ACP7: variants seen among roughly 807,000 people sequenced by gnomAD.
ACP7 encodes the protein acid phosphatase type 7.
ACP7 carries 58 observed loss-of-function variants against 60.6 expected under a neutral mutation model. The observed-to-expected ratio is 0.96, with a 90% CI of 0.77 to 1.19. The LOEUF (loss-of-function observed/expected upper bound fraction) is 1.19. ACP7 is among the 50% of genes most tolerant of loss of function. ACP7 has a pLI of 0.00. For missense variants in ACP7, 574 were observed against 596.2 expected, an observed-to-expected ratio of 0.96 and a Z score of 0.39; for synonymous variants, 237 against 232.6, an observed-to-expected ratio of 1.02 and a Z score of -0.17.
In ACP7 at chr19:39,100,289, A is replaced by T; in HGVS notation, c.568A>T (p.Ile190Phe). 1.9e-6 allele frequency: 3 copies of T among 1,614,020 alleles called. No individual in the cohort carries two copies. Among genetic ancestry groups the T allele is most frequent in the Non-Finnish European group, 1.7e-6 (2 of 1,179,994 alleles). ...TGTTGGGGATAGGTTCATGCGGCTC[A>T]TTGAACCCGTGGCTGCCAGCCTGCC... ...ARVGDRFMRL[I>F]EPVAASLPYM... is the part of the protein sequence containing the mutation. The change falls in exon 5 of 13, where the codon ATT (isoleucine) becomes TTT (phenylalanine). Residue 190 changes from isoleucine (I) to phenylalanine (F), a missense_variant. Ile to Phe is a conservative substitution (Grantham distance 21). Transcript: ENST00000331256.
chr19:39,100,457 G>C, intron 5 of ACP7, 107 bp downstream of exon 5: 1 of 1,599,174 alleles, frequency 6.3e-7, no homozygotes, highest in Non-Finnish European at 8.6e-7. Context: ...TTTCAATTGT[G>C]GTAGCAAGAG....
At chr19:39,105,089 C>T (rs762801136) in intron 11 of ACP7, among the ~76,000 whole-genome samples, 1 of 151,584 alleles carries the variant, frequency 6.6e-6, no homozygotes, top group Non-Finnish European at 1.5e-5. Context: ...GATCTCGGCT[C>T]ACCACAACCT....
chr19:39,095,339 G>A (rs1456629266), intron 2 of ACP7, among the ~76,000 whole-genome samples: 1 of 152,196 alleles, frequency 6.6e-6, no homozygotes, highest in Non-Finnish European at 1.5e-5. Flanking sequence ...TTCCAAATGG[G>A]AGAAATTGGC....
At position 39,104,844 on chromosome 19, in the gene ACP7, C is replaced by A. The variant is rs574941251; in HGVS notation, c.1114-2103C>A. On this transcript the variant is annotated intron_variant, in intron 11 of 12. Coordinates refer to ENST00000331256, the MANE Select transcript of ACP7 (RefSeq NM_001004318.3). Reference sequence around the variant, plus strand: ...AGGTTGCAGTGAGCCGAGATCGTGCCATTGCACTCCAGCCTGGGCAACAAG... The same window carrying A: ...AGGTTGCAGTGAGCCGAGATCGTGCAATTGCACTCCAGCCTGGGCAACAAG... Among the ~76,000 whole-genome samples the A allele has an allele frequency of 1.1e-3, 160 of 151,966 alleles. 1 individual carries two copies. Among genetic ancestry groups the A allele is most frequent in the Non-Finnish European group, 1.9e-3 (130 of 67,950 alleles).
rs140697425 is a variant in ACP7 at position 39,102,527 on chromosome 19, G to A, written c.1113+990G>A. 2.1e-3 allele frequency among the ~76,000 whole-genome samples: 316 copies of A among 152,020 alleles called. 1 individual carries two copies. Among genetic ancestry groups the A allele is most frequent in the Non-Finnish European group, 2.4e-3 (166 of 67,982 alleles). ...TTTGGTAGAGATGGGATTTCACCAC[G>A]TTGGCCAGGCTGGTCTCAAACTCCT... On this transcript the variant is annotated intron_variant, in intron 11 of 12. Transcript: ENST00000331256.
intron 2 of ACP7, among the ~76,000 whole-genome samples, chr19:39,089,833 G>A (rs1032891410): frequency 2.0e-5 from 3 of 152,300 alleles, no homozygotes; most frequent in East Asian, 1.9e-4. Flanking sequence ...CCTTCTTGGC[G>A]CATGATACGA....
intron 11 of ACP7, among the ~76,000 whole-genome samples, chr19:39,104,866 CA>C (rs1178286523): frequency 6.6e-6 from 1 of 152,008 alleles, no homozygotes; most frequent in Non-Finnish European, 1.5e-5. Context: ...GCCTGGGCAA[CA>C]AGAGCAAAAC....
chr19:39,099,212 G>A, intron 4 of ACP7, 70 bp downstream of exon 4: 1 of 1,385,440 alleles, frequency 7.2e-7, no homozygotes, highest in Non-Finnish European at 9.2e-7. Flanking sequence ...GGGCGCGCGG[G>A]TCGGGGGCGC....
In ACP7 at chr19:39,101,036, T is replaced by A. The variant is rs1157730832; in HGVS notation, c.895T>A (p.Cys299Ser). Residue 299 changes from cysteine to serine, a missense_variant, in exon 8 of 13, where the codon TGC becomes AGC. By Grantham distance (112) the Cys-to-Ser change is moderately radical (BLOSUM62 -1). Coordinates refer to ENST00000331256, the MANE Select transcript of ACP7 (RefSeq NM_001004318.3). ...CTGCTCCAACGCAGATCTGGACGAC[T>A]GCACACGACATGAAAGCAAGGTGAG... Reference protein sequence around the residue: ...MYCSNADLDDCTRHESKVRKG... With the variant: ...MYCSNADLDDSTRHESKVRKG... 6.2e-7 allele frequency: 1 copy of A among 1,613,958 alleles called. No individual in the cohort carries two copies. Among genetic ancestry groups the A allele is most frequent in the East Asian group, 2.2e-5 (1 of 44,868 alleles).
chr19:39,092,771 C>CTTTTTTTTTTTTTTT, intron 2 of ACP7, among the ~76,000 whole-genome samples: 1 of 114,650 alleles, frequency 8.7e-6, no homozygotes, highest in Non-Finnish European at 1.8e-5. Flanking sequence ...TCCCATTCCT[C>CTTTTTTTTTTTTTTT]TTTTTTTTTT....
At chr19:39,095,452 AG>A (rs1382397874) in intron 2 of ACP7, among the ~76,000 whole-genome samples, 1 of 152,248 alleles carries the variant, frequency 6.6e-6, no homozygotes, top group Non-Finnish European at 1.5e-5. Context: ...CCTCACATGC[AG>A]GTCTCACTGA....
intron 5 of ACP7, 51 bp downstream of exon 5, chr19:39,100,401 G>A (rs760611769): frequency 6.2e-7 from 1 of 1,608,694 alleles, no homozygotes; most frequent in Admixed American, 1.7e-5. Flanking sequence ...AATGGAAATG[G>A]TCTCGTTCTT....
chr19:39,089,048 G>C (rs1568474477), intron 2 of ACP7, among the ~76,000 whole-genome samples: 1 of 151,970 alleles, frequency 6.6e-6, no homozygotes, highest in African/African-American at 2.4e-5. Flanking sequence ...TCCTGCCTCA[G>C]TCTCTCAAGT....
intron 11 of ACP7, among the ~76,000 whole-genome samples, chr19:39,106,558 C>G (rs1028921239): frequency 6.6e-6 from 1 of 152,162 alleles, no homozygotes; most frequent in Non-Finnish European, 1.5e-5. Context: ...CAGTGTCACT[C>G]CGTCTCCCAG....
At chr19:39,097,918 A>T (rs1355037198) in intron 2 of ACP7, among the ~76,000 whole-genome samples, 1 of 152,056 alleles carries the variant, frequency 6.6e-6, no homozygotes, top group African/African-American at 2.4e-5. Flanking sequence ...CAGACAGGAA[A>T]ACTGAGGCTC....
intron 2 of ACP7, among the ~76,000 whole-genome samples, chr19:39,087,010 T>G (rs2073150298): frequency 6.6e-6 from 1 of 152,088 alleles, no homozygotes; most frequent in Non-Finnish European, 1.5e-5. Flanking sequence ...AAATCTTTTA[T>G]TTATTTATTT....
chr19:39,099,249 T>C, intron 4 of ACP7, 107 bp downstream of exon 4: 2 of 1,238,598 alleles, frequency 1.6e-6, no homozygotes, highest in South Asian at 1.8e-5. Context: ...GCTAGGACCG[T>C]GGAGGGGACA....
intron 11 of ACP7, among the ~76,000 whole-genome samples, chr19:39,102,381 C>CT (rs36113504): frequency 0.5 from 72,984 of 147,014 alleles, 18,550 homozygotes; most frequent in East Asian, 0.64. Context: ...TGTCATGTTT[C>CT]TTTTTTTTTT....
intron 2 of ACP7, among the ~76,000 whole-genome samples, chr19:39,096,142 C>T (rs899611596): frequency 1.3e-5 from 2 of 152,216 alleles, no homozygotes; most frequent in African/African-American, 4.8e-5. Flanking sequence ...ATGCAAATAT[C>T]TGCAGCCAGT....
Sources: allele counts gnomAD v4.1 joint callset (sites outside exome capture counted in the v4.1 genomes callset), GRCh38; gene constraint gnomAD v4.1.1; transcripts MANE v1.5; gene names NCBI Gene and HGNC (gene_info 2026-07-23, HGNC 2026-07-21).